MYO9B: variants seen among roughly 807,000 people sequenced by gnomAD.
The protein encoded by MYO9B is myosin IXB.
A neutral mutation model predicts 229.5 loss-of-function variants in MYO9B; 71 were observed. That is an observed-to-expected ratio of 0.31 (90% CI 0.26 to 0.38). MYO9B has a LOEUF of 0.38. Among genes scored for constraint, MYO9B ranks in the 10% least tolerant of loss-of-function variants. MYO9B has a pLI of 1.00. For missense variants in MYO9B, 2,255 were observed against 2,920.5 expected (o/e 0.77, Z 5.25); for synonymous variants, 1,185 against 1,235.8 (o/e 0.96, Z 0.86).
intron 2 of MYO9B, among the ~76,000 whole-genome samples, chr19:17,134,898 G>A (rs1025966879): frequency 2.0e-5 from 3 of 152,018 alleles, no homozygotes; most frequent in African/African-American, 7.2e-5. Flanking sequence ...CAGGTAGTTG[G>A]GATTACAGGC....
intron 38 of MYO9B, 24 bp downstream of exon 38, chr19:17,210,872 C>G: frequency 6.3e-7 from 1 of 1,578,704 alleles, no homozygotes; most frequent in Non-Finnish European, 8.6e-7. Flanking sequence ...TCCCCTCCCT[C>G]AGTCCTTCAT....
Position 17,210,783 on chromosome 19 carries a change from C to A in MYO9B, c.5865C>A (p.Ala1955=), listed in dbSNP as rs1430660796. 4 of 1,584,158 alleles carry A rather than the reference C, an allele frequency of 2.5e-6. No homozygotes were observed. Among genetic ancestry groups the A allele is most frequent in the Non-Finnish European group, 2.6e-6 (3 of 1,165,884 alleles). The change falls in exon 38 of 40, where the codon GCC becomes GCA. Residue 1955 remains alanine (A), a synonymous_variant. Transcript: ENST00000682292. ...ELEVLLEEEA[A]GGDEDREKEI... ...AGGTGCTGCTGGAGGAGGAGGCAGC[C>A]GGCGGCGATGAGGACCGGGAAAAGG...
intron 31 of MYO9B, 111 bp from the exon 32 acceptor site, chr19:17,205,849 G>C: frequency 9.3e-7 from 1 of 1,070,322 alleles, no homozygotes; most frequent in Non-Finnish European, 1.3e-6. Flanking sequence ...GGACAGAACA[G>C]CAGAGGAAGC....
intron 2 of MYO9B, among the ~76,000 whole-genome samples, chr19:17,138,678 CAG>C (rs2072301374): frequency 6.6e-6 from 1 of 152,224 alleles, no homozygotes; most frequent in Non-Finnish European, 1.5e-5. Context: ...GCTACTGTCA[CAG>C]AATATGGTTA....
chr19:17,082,648 A>T (rs2057543891), intron 1 of MYO9B, among the ~76,000 whole-genome samples: 1 of 152,104 alleles, frequency 6.6e-6, no homozygotes, highest in Non-Finnish European at 1.5e-5. Flanking sequence ...TAGCTTGCCC[A>T]CTGCTTGGGA....
chr19:17,125,308 C>G (rs868250467), intron 2 of MYO9B, among the ~76,000 whole-genome samples: 1 of 124,208 alleles, frequency 8.1e-6, no homozygotes, highest in African/African-American at 3.2e-5. Flanking sequence ...CCCCCCCCCC[C>G]CAAAAAAAGG....
At chr19:17,150,031 T>C (rs1409274829) in intron 3 of MYO9B, among the ~76,000 whole-genome samples, 1 of 152,212 alleles carries the variant, frequency 6.6e-6, no homozygotes, top group Non-Finnish European at 1.5e-5. Flanking sequence ...TTTTTTCTCC[T>C]ATTTGAAAGA....
At chr19:17,202,359 C>A in intron 28 of MYO9B, 56 bp downstream of exon 28, 1 of 1,465,702 alleles carries the variant, frequency 6.8e-7, no homozygotes. Flanking sequence ...ACCCATGCCT[C>A]GCCATCCTTA....
intron 2 of MYO9B, chr19:17,103,810 C>G (rs2057768051): frequency 6.6e-6 from 1 of 152,078 alleles, no homozygotes; most frequent in Non-Finnish European, 1.5e-5. Context: ...AATCCCAACA[C>G]TTTGGGAGGC....
intron 2 of MYO9B, among the ~76,000 whole-genome samples, chr19:17,112,651 G>A (rs1364818397): frequency 6.6e-6 from 1 of 152,176 alleles, no homozygotes; most frequent in Non-Finnish European, 1.5e-5. Context: ...CAGTCCTGGT[G>A]AATTTGGTTT....
At chr19:17,210,522 T>C in intron 37 of MYO9B, 142 bp downstream of exon 37, 1 of 1,258,342 alleles carries the variant, frequency 7.9e-7, no homozygotes, top group Non-Finnish European at 1.1e-6. Context: ...GCCCCTTGCC[T>C]GCTGACCTTC....
intron 2 of MYO9B, among the ~76,000 whole-genome samples, chr19:17,129,058 G>C (rs1021064693): frequency 1.6e-4 from 24 of 152,140 alleles, no homozygotes; most frequent in Non-Finnish European, 3.2e-4. Context: ...GCCTGAGCAG[G>C]GGGGTGGAGG....
At chr19:17,156,133 T>C (rs1013592811) in intron 6 of MYO9B, among the ~76,000 whole-genome samples, 1 of 152,104 alleles carries the variant, frequency 6.6e-6, no homozygotes, top group African/African-American at 2.4e-5. Flanking sequence ...CAGACAGCAT[T>C]AGACGTCAGG....
intron 2 of MYO9B, among the ~76,000 whole-genome samples, chr19:17,111,364 C>T (rs905316602): frequency 6.6e-6 from 1 of 152,068 alleles, no homozygotes; most frequent in African/African-American, 2.4e-5. Flanking sequence ...ATATAATTTA[C>T]CTATTTACTT....
intron 10 of MYO9B, among the ~76,000 whole-genome samples, chr19:17,163,849 AT>A (rs1337318497): frequency 6.6e-6 from 1 of 152,122 alleles, no homozygotes; most frequent in Non-Finnish European, 1.5e-5. Flanking sequence ...CATTTTCTGG[AT>A]GTACCACATT....
chr19:17,176,495 G>T (rs1467826928), intron 14 of MYO9B, among the ~76,000 whole-genome samples: 1 of 152,216 alleles, frequency 6.6e-6, no homozygotes, highest in Non-Finnish European at 1.5e-5. Flanking sequence ...GGTCGAGGTT[G>T]CTCTGAATAA....
chr19:17,118,009 G>T (rs927726532), intron 2 of MYO9B, among the ~76,000 whole-genome samples: 1 of 151,180 alleles, frequency 6.6e-6, no homozygotes, highest in East Asian at 1.9e-4. Flanking sequence ...TGAGGTTCTT[G>T]CCTGGAGCTG....
intron 38 of MYO9B, among the ~76,000 whole-genome samples, chr19:17,211,437 G>C (rs1049757117): frequency 6.6e-6 from 1 of 152,094 alleles, no homozygotes; most frequent in Non-Finnish European, 1.5e-5. Context: ...ACCACGCCTG[G>C]CTAATTTTTT....
intron 3 of MYO9B, among the ~76,000 whole-genome samples, chr19:17,151,290 G>A (rs4808071): frequency 0.47 from 22,518 of 48,266 alleles, 4,407 homozygotes; most frequent in African/African-American, 0.65. Context: ...AAAAAAAAAA[G>A]AAAGAAAGAA....
Sources: allele counts gnomAD v4.1 joint callset (sites outside exome capture counted in the v4.1 genomes callset), GRCh38; gene constraint gnomAD v4.1.1; transcripts MANE v1.5; gene names NCBI Gene and HGNC (gene_info 2026-07-23, HGNC 2026-07-21).